The following SPTAN1 variants were observed in gnomAD, a reference collection of about 807,000 sequenced individuals.
SPTAN1 encodes spectrin alpha chain, non-erythrocytic 1.
Under a neutral mutation model 331.3 loss-of-function variants are expected in SPTAN1, and 61 were observed. The observed-to-expected ratio is 0.18, with a 90% CI of 0.15 to 0.23. SPTAN1 has a LOEUF of 0.23. SPTAN1 is among the 10% of genes least tolerant of loss of function. The pLI is 1.00. For missense variants in SPTAN1, 2,043 were observed against 3,147.9 expected (o/e 0.65, Z 8.40); for synonymous variants, 1,153 against 1,173.9 (o/e 0.98, Z 0.36).
Position 128,613,452 on chromosome 9 carries a change from T to C in SPTAN1, c.5115T>C (p.His1705=). Residue 1705 remains histidine (H), a synonymous_variant, in exon 40 of 57, where the codon CAT becomes CAC. Coordinates refer to ENST00000372739, the MANE Select transcript of SPTAN1 (RefSeq NM_001130438.3). ...CTGTGAACAACCTGCTGAAAAAGCA[T>C]CAACTGCTGGAAGCAGATATATCTG... ...LASVNNLLKK[H]QLLEADISAH... is the part of the protein sequence containing the mutation. 6.2e-7 allele frequency: 1 copy of C among 1,614,232 alleles called. No individual in the cohort carries two copies. Among genetic ancestry groups the C allele is most frequent in the Non-Finnish European group, 8.5e-7 (1 of 1,180,042 alleles).
chr9:128,558,732 AG>A (rs1240823523), intron 1 of SPTAN1, among the ~76,000 whole-genome samples: 5 of 152,162 alleles, frequency 3.3e-5, no homozygotes, highest in African/African-American at 1.2e-4. Flanking sequence ...ATGCCAGGGA[AG>A]GGGTGGGGTG....
chr9:128,568,135 T>A (rs1464663423), intron 2 of SPTAN1, among the ~76,000 whole-genome samples: 1 of 152,218 alleles, frequency 6.6e-6, no homozygotes, highest in Non-Finnish European at 1.5e-5. Flanking sequence ...GAAAATTGTT[T>A]CGGTAGCAAG....
chr9:128,630,020 G>T, intron 51 of SPTAN1: 1 of 509,534 alleles, frequency 2.0e-6, no homozygotes, highest in South Asian at 1.7e-5. Flanking sequence ...CAGCCACCCT[G>T]CACCCATGGG....
rs574448108 is a variant in SPTAN1 at position 128,629,303 on chromosome 9, G to A, written c.6708-1018G>A. The A allele has an allele frequency of 2.5e-6, 1 of 394,144 alleles. No homozygotes were observed. Among genetic ancestry groups the A allele is most frequent in the East Asian group, 3.6e-5 (1 of 27,836 alleles). The allele number at this position is 394,144 out of a possible 1,614,324, so 24.4% of individuals were successfully genotyped here. A position where few individuals can be genotyped will look rare whatever the true frequency, so the allele number is the denominator to read the frequency against. ...GCCCTCGGCTGCTTGGGAAGGAGGG[G>A]TCTGTCCTCCCACTGCACCGGCACC... On this transcript the variant is annotated intron_variant, in intron 51 of 56. Transcript: ENST00000372739. This position sits in a 1 kb window ranked among gnomAD's most constrained non-coding sequence, Gnocchi z 4.9.
Position 128,627,291 on chromosome 9 carries a change from TGGGGA to T in SPTAN1, c.6577-92_6577-88del. The T allele has an allele frequency of 9.0e-7, 1 of 1,108,894 alleles. No homozygotes were observed. The highest frequency in any genetic ancestry group is 2.6e-5 in the East Asian group (1 of 38,558). 68.7% of individuals were successfully genotyped at this position (1,108,894 alleles called of 1,614,324 possible). A position where few individuals can be genotyped will look rare whatever the true frequency, so the allele number is the denominator to read the frequency against. ...CTCTCATCTTTGGGGAGGTTCCTTG[TGGGGA>T]GGCCACCACCACCCTGAGCCCATCT... On this transcript the variant is annotated intron_variant, in intron 49 of 56. Coordinates refer to ENST00000372739, the MANE Select transcript of SPTAN1 (RefSeq NM_001130438.3). The surrounding 1 kb of genome is among the most constrained non-coding windows in gnomAD (Gnocchi z 4.9).
At chr9:128,621,122 G>A (rs1269093801) in intron 44 of SPTAN1, 36 bp from the exon 45 acceptor site, 1 of 1,598,142 alleles carries the variant, frequency 6.3e-7, no homozygotes, top group Non-Finnish European at 8.6e-7. Flanking sequence ...CACATAGCAG[G>A]CTCTCAATAG....
chr9:128,629,030 C>T lies in SPTAN1; in HGVS notation c.6707+1088C>T, dbSNP rs1361433244. ...CCGGGCACCAGGTTGCCCTTGCCTG[C>T]GCCCTGCCAGCTTGGGCTTTGTGTG... is the stretch of plus-strand genomic sequence containing the variant. On this transcript the variant is annotated intron_variant, in intron 51 of 56. Transcript: ENST00000372739. This position sits in a 1 kb window ranked among gnomAD's most constrained non-coding sequence, Gnocchi z 4.9. The T allele has an allele frequency of 2.5e-6, 1 of 397,154 alleles. No homozygotes were observed. Among genetic ancestry groups the T allele is most frequent in the Non-Finnish European group, 4.4e-6 (1 of 225,218 alleles). The allele number at this position is 397,154 out of a possible 1,614,324, so 24.6% of individuals were successfully genotyped here. A position where few individuals can be genotyped will look rare whatever the true frequency, so the allele number is the denominator to read the frequency against.
intron 3 of SPTAN1, among the ~76,000 whole-genome samples, chr9:128,574,127 C>T (rs1315082032): frequency 6.6e-6 from 1 of 151,986 alleles, no homozygotes; most frequent in Non-Finnish European, 1.5e-5. Flanking sequence ...CCTATAAGAC[C>T]TCTTCTTTTG....
At chr9:128,602,635 A>G (rs1404738736) in intron 27 of SPTAN1, among the ~76,000 whole-genome samples, 4 of 149,586 alleles carry the variant, frequency 2.7e-5, no homozygotes, top group Non-Finnish European at 6.0e-5. Flanking sequence ...TTTTATTTGT[A>G]TTTTATTTAT....
In SPTAN1 at chr9:128,582,479, G is replaced by T; in HGVS notation, c.1573G>T (p.Ala525Ser). 6.2e-7 allele frequency: 1 copy of T among 1,614,072 alleles called. No homozygotes were observed. ...GAAGAACTCTTATCTTCCTTCCTAG[G>T]CATTAGATGAATTTGCAACCAAGCT... ...SLSAQEEKITALDEFATKLIQ... is the reference protein window; with the variant it reads ...SLSAQEEKITSLDEFATKLIQ... The change falls in exon 13 of 57, where the codon GCA becomes TCA. Residue 525 changes from alanine to serine, a missense_variant and splice_region_variant. By Grantham distance (99) the Ala-to-Ser change is moderately conservative (BLOSUM62 1). Around this residue, in one of 12 missense-constraint regions of SPTAN1, gnomAD observed 1,038 missense variants for 1,531.5 expected, o/e 0.68. Transcript: ENST00000372739.
At chr9:128,589,536 A>G (rs1030359010) in intron 21 of SPTAN1, among the ~76,000 whole-genome samples, 3 of 147,248 alleles carry the variant, frequency 2.0e-5, no homozygotes, top group African/African-American at 5.0e-5. Flanking sequence ...TCAGCCTCCC[A>G]AAGTGCTGGG....
rs764688062 is a variant in SPTAN1, at chr9:128,576,843, A to G, written c.672A>G (p.Glu224=). 6.2e-7 allele frequency: 1 copy of G among 1,613,918 alleles called. No homozygotes were observed. The highest frequency in any genetic ancestry group is 1.7e-5 in the Admixed American group (1 of 60,014). ...KLIQEQHPEE[E]LIKTKQDEVN... is the part of the protein sequence containing the mutation. ...TTTAGGAGCAGCACCCTGAGGAGGAACTGATCAAGACTAAGCAGGATGAAG... is the reference window on the plus strand; with the variant it reads ...TTTAGGAGCAGCACCCTGAGGAGGAGCTGATCAAGACTAAGCAGGATGAAG... Residue 224 remains glutamate (E), a synonymous_variant, in exon 6 of 57, where the codon GAA becomes GAG. Coordinates refer to ENST00000372739, the MANE Select transcript of SPTAN1 (RefSeq NM_001130438.3).
intron 19 of SPTAN1, 150 bp downstream of exon 19, chr9:128,586,115 T>G (rs77947092): frequency 1.8e-5 from 4 of 218,610 alleles, no homozygotes; most frequent in South Asian, 1.0e-4. Flanking sequence ...TCACTTGGTT[T>G]TTTTTTTTTT....
intron 3 of SPTAN1, among the ~76,000 whole-genome samples, chr9:128,574,193 A>T (rs1293536066): frequency 6.6e-6 from 1 of 151,908 alleles, no homozygotes; most frequent in African/African-American, 2.4e-5. Flanking sequence ...ATTTCAGCTC[A>T]GTTTACACAT....
chr9:128,598,400 G>T lies in SPTAN1; in HGVS notation c.3415G>T (p.Asp1139Tyr), dbSNP rs1411578672. Reference protein sequence around the residue: ...LQKKFDDFQKDLKANESRLKD... With the variant: ...LQKKFDDFQKYLKANESRLKD... The stretch of plus-strand genomic sequence containing the variant: ...AGTTATTATGGCTTTTGCTTTAAAG[G>T]ACCTGAAGGCCAATGAGTCACGGTT... Residue 1139 changes from aspartate to tyrosine, a missense_variant and splice_region_variant, in exon 25 of 57, where the codon GAC becomes TAC. By Grantham distance (160) the Asp-to-Tyr change is radical (BLOSUM62 -3). This residue lies in a region of SPTAN1 where 1,038 missense variants were observed against 1,531.5 expected (regional missense o/e 0.68). Coordinates refer to ENST00000372739, the MANE Select transcript of SPTAN1 (RefSeq NM_001130438.3). The T allele has an allele frequency of 6.2e-7, 1 of 1,611,892 alleles. No homozygotes were observed. The highest frequency in any genetic ancestry group is 8.5e-7 in the Non-Finnish European group (1 of 1,179,346).
chr9:128,609,465 T>C, intron 36 of SPTAN1, 181 bp downstream of exon 36: 1 of 1,072,464 alleles, frequency 9.3e-7, no homozygotes. Flanking sequence ...AAAAGTTGCC[T>C]TCCTCATTTG....
Position 128,575,250 on chromosome 9 carries a change from G to A in SPTAN1, c.556G>A (p.Val186Ile). The change falls in exon 5 of 57, where the codon GTT becomes ATT. Residue 186 changes from valine to isoleucine, a missense_variant. Physicochemically the swap from Val to Ile is conservative, Grantham distance 29 (BLOSUM62 3). Around this residue, in one of 12 missense-constraint regions of SPTAN1, gnomAD observed 1,038 missense variants for 1,531.5 expected, o/e 0.68. Transcript: ENST00000372739. ...ELGQDLEHVE[V>I]LQKKFEEFQT... ...GGGCCAGGATCTGGAGCATGTAGAGGTTTTACAGAAGAAATTTGAAGAGTT... is the reference window on the plus strand; with the variant it reads ...GGGCCAGGATCTGGAGCATGTAGAGATTTTACAGAAGAAATTTGAAGAGTT... 1 of 1,614,164 alleles carries A rather than the reference G, an allele frequency of 6.2e-7. No individual in the cohort carries two copies. Among genetic ancestry groups the A allele is most frequent in the South Asian group, 1.1e-5 (1 of 91,082 alleles).
intron 1 of SPTAN1, among the ~76,000 whole-genome samples, chr9:128,565,496 C>T (rs1252169816): frequency 6.6e-6 from 1 of 152,204 alleles, no homozygotes; most frequent in African/African-American, 2.4e-5. Context: ...GGAAGGTGGT[C>T]TCTTAGAAAG....
intron 5 of SPTAN1, among the ~76,000 whole-genome samples, chr9:128,575,945 T>TG (rs1851260094): frequency 6.6e-6 from 1 of 152,146 alleles, no homozygotes; most frequent in Non-Finnish European, 1.5e-5. Context: ...AAATTTGATT[T>TG]GGGGGGTACA....
Sources: gnomAD v4.1 joint callset for allele counts (sites outside exome capture counted in the v4.1 genomes callset) on GRCh38, gnomAD v4.1.1 for gene constraint, gnomAD v4.1.1 regional missense constraint, Gnocchi (gnomAD v3.1) non-coding constraint, MANE v1.5 for transcripts, NCBI Gene and HGNC (gene_info 2026-07-23, HGNC 2026-07-21) for gene names.